The following SCAPER variants were observed in gnomAD, a reference collection of about 807,000 sequenced individuals.
SCAPER encodes the protein S phase cyclin A-associated protein in the endoplasmic reticulum.
SCAPER carries 98 observed loss-of-function variants against 182.2 expected under a neutral mutation model. The ratio of observed to expected loss-of-function variants is 0.54; its 90% CI spans 0.46 to 0.64. The LOEUF is 0.64. Among genes scored for constraint, SCAPER ranks in the 30% least tolerant of loss-of-function variants. The pLI is 0.00. For synonymous variants in SCAPER, 605 were observed against 564.6 expected (o/e 1.07, Z -1.01); for missense variants, 1,432 against 1,690.0 (o/e 0.85, Z 2.68).
chr15:76,379,661 T>C (rs892648303), intron 28 of SCAPER: 2 of 152,072 alleles, frequency 1.3e-5, no homozygotes, highest in Non-Finnish European at 2.9e-5. Flanking sequence ...ATTCCAGAAA[T>C]AGGCTTTTGA....
intron 22 of SCAPER, among the ~76,000 whole-genome samples, chr15:76,618,011 C>A (rs924955037): frequency 1.3e-5 from 2 of 152,166 alleles, no homozygotes; most frequent in African/African-American, 4.8e-5. Flanking sequence ...ATAATCCCAG[C>A]ACTTCGGGAG....
chr15:76,640,700 C>G lies in SCAPER; in HGVS notation c.2646-18871G>C, dbSNP rs1350978925. On this transcript the variant is annotated intron_variant, in intron 21 of 31. Transcript: ENST00000563290. ...TATGACTGTTATGGTTCATTTAAAT[C>G]AGAGAAAAGGGGGAGATGTAGGGAG... 2.6e-5 allele frequency among the ~76,000 whole-genome samples: 4 copies of G among 152,124 alleles called. No individual in the cohort carries two copies. The South Asian group carries it at 8.3e-4, about 31-fold the overall frequency.
chr15:76,393,185 C>T (rs2043825460), intron 27 of SCAPER, among the ~76,000 whole-genome samples: 1 of 152,192 alleles, frequency 6.6e-6, no homozygotes, highest in African/African-American at 2.4e-5. Context: ...TGTATTCTTC[C>T]CATTCTCTAG....
intron 24 of SCAPER, among the ~76,000 whole-genome samples, chr15:76,480,952 C>T (rs1309234792): frequency 3.3e-5 from 5 of 152,194 alleles, no homozygotes; most frequent in Admixed American, 2.0e-4. Context: ...AGGATGGTCT[C>T]GATCTCCTGA....
chr15:76,538,158 C>T (rs1246340590), intron 23 of SCAPER, among the ~76,000 whole-genome samples: 11 of 144,172 alleles, frequency 7.6e-5, no homozygotes, highest in Admixed American at 2.8e-4. Flanking sequence ...GTCAGTGTGG[C>T]GATTCCTCAG....
chr15:76,684,689 C>G (rs2057926723), intron 20 of SCAPER, among the ~76,000 whole-genome samples: 1 of 151,596 alleles, frequency 6.6e-6, no homozygotes, highest in Non-Finnish European at 1.5e-5. Flanking sequence ...AAATAAATTT[C>G]TAGAAAACTC....
chr15:76,718,147 C>T (rs1000624373), intron 17 of SCAPER, among the ~76,000 whole-genome samples: 1 of 151,822 alleles, frequency 6.6e-6, no homozygotes, highest in African/African-American at 2.4e-5. Context: ...AAATAAATGG[C>T]AATTAAATAA....
intron 21 of SCAPER, among the ~76,000 whole-genome samples, chr15:76,632,239 G>C (rs1470873528): frequency 6.6e-6 from 1 of 152,088 alleles, no homozygotes; most frequent in African/African-American, 2.4e-5. Flanking sequence ...GCCCAGGCTG[G>C]AGTGCAGTGG....
At chr15:76,756,849 T>C (rs143694895) in intron 14 of SCAPER, among the ~76,000 whole-genome samples, 2,089 of 152,294 alleles carry the variant, frequency 0.014, 22 homozygotes, top group Non-Finnish European at 0.022. Context: ...TGAAATACAA[T>C]AATGTTAAGT....
chr15:76,867,915 G>T (rs2072412559), intron 2 of SCAPER, among the ~76,000 whole-genome samples: 1 of 152,102 alleles, frequency 6.6e-6, no homozygotes, highest in Non-Finnish European at 1.5e-5. Context: ...GCTATGTCCA[G>T]GTCTGGGTTT....
At chr15:76,844,990 TCAA>T (rs2069915386) in intron 4 of SCAPER, among the ~76,000 whole-genome samples, 1 of 152,072 alleles carries the variant, frequency 6.6e-6, no homozygotes, top group Non-Finnish European at 1.5e-5. Context: ...CTGAACATGT[TCAA>T]CATTTTCAAC....
intron 21 of SCAPER, among the ~76,000 whole-genome samples, chr15:76,635,646 G>C (rs1422566310): frequency 6.6e-6 from 1 of 152,116 alleles, no homozygotes; most frequent in Non-Finnish European, 1.5e-5. Flanking sequence ...CTGATCTTAG[G>C]GGGAAAGCTT....
intron 21 of SCAPER, among the ~76,000 whole-genome samples, chr15:76,653,208 A>T (rs184693403): frequency 6.6e-6 from 1 of 152,218 alleles, no homozygotes; most frequent in African/African-American, 2.4e-5. Flanking sequence ...CCGAAAAAAA[A>T]TTACAGATTA....
chr15:76,868,631 T>C lies in SCAPER; in HGVS notation c.7-6098A>G, dbSNP rs185639508. 1.2e-4 allele frequency among the ~76,000 whole-genome samples: 18 copies of C among 152,178 alleles called. No homozygotes were observed. In the East Asian group the frequency reaches 2.7e-3, roughly 23 times the overall value. On this transcript the variant is annotated intron_variant, in intron 2 of 31. Transcript: ENST00000563290. ...AGGAAAATTGTAATACACTGATGAA[T>C]GAGAATGAGGAGGATATAAAAAATG...
chr15:76,700,727 A>G (rs770417220), intron 20 of SCAPER, among the ~76,000 whole-genome samples: 1 of 152,142 alleles, frequency 6.6e-6, no homozygotes, highest in Non-Finnish European at 1.5e-5. Flanking sequence ...TCAACTACAG[A>G]CATGTTCCTG....
intron 24 of SCAPER, among the ~76,000 whole-genome samples, chr15:76,486,462 T>C (rs1397780589): frequency 6.6e-6 from 1 of 151,944 alleles, no homozygotes; most frequent in Non-Finnish European, 1.5e-5. Context: ...GCAAACTATG[T>C]AACCGAAAAG....
rs1049312603 is a variant in SCAPER at position 76,581,049 on chromosome 15, A to G, written c.2712-6765T>C. Reference sequence around the variant, plus strand: ...ATGCCAATAAATTGGAAAGCCTAGAAGAAATAAGTAAATTCCTACACATAT... The same window carrying G: ...ATGCCAATAAATTGGAAAGCCTAGAGGAAATAAGTAAATTCCTACACATAT... On this transcript the variant is annotated intron_variant, in intron 22 of 31. Coordinates refer to ENST00000563290, the MANE Select transcript of SCAPER (RefSeq NM_020843.4). Among the ~76,000 whole-genome samples, 4 of 152,170 alleles carry G rather than the reference A, an allele frequency of 2.6e-5. No individual in the cohort carries two copies. In the South Asian group the frequency reaches 8.3e-4, roughly 32 times the overall value.
Position 76,765,035 on chromosome 15 carries a change from G to A in SCAPER, c.1651C>T (p.Gln551Ter). Reference protein sequence around the residue: ...AESKKKHEEKQMKAQQLREKL... With the variant: ...AESKKKHEEK ...TCCCTTAGCTGCTGTGCTTTCATTT[G>A]TTTTTCTTCATGTTTCTTCTTAGAT... Residue 551 changes from glutamine to a stop codon, truncating the protein, a stop_gained, in exon 14 of 32, where the codon CAA becomes TAA. Coordinates refer to ENST00000563290, the MANE Select transcript of SCAPER (RefSeq NM_020843.4). LOFTEE classifies it high-confidence loss of function. 2 of 1,598,668 alleles carry A rather than the reference G, an allele frequency of 1.3e-6. No homozygotes were observed. Among genetic ancestry groups the A allele is most frequent in the Non-Finnish European group, 1.7e-6 (2 of 1,172,708 alleles).
intron 1 of SCAPER, among the ~76,000 whole-genome samples, chr15:76,893,650 G>T (rs535159463): frequency 6.6e-6 from 1 of 152,138 alleles, no homozygotes; most frequent in South Asian, 2.1e-4. Context: ...ATATTCTCTA[G>T]GATAGATCAT....
Sources: allele counts gnomAD v4.1 joint callset (sites outside exome capture counted in the v4.1 genomes callset), GRCh38; gene constraint gnomAD v4.1.1; transcripts MANE v1.5; gene names NCBI Gene and HGNC (gene_info 2026-07-23, HGNC 2026-07-21).